Variants in SLC43A3 observed in about 807,000 individuals in gnomAD.
The protein encoded by SLC43A3 is solute carrier family 43 member 3, also known as equilibrative nucleobase transporter 1.
SLC43A3 carries 33 observed loss-of-function variants against 53.3 expected under a neutral mutation model. The ratio of observed to expected loss-of-function variants is 0.62; its 90% CI spans 0.47 to 0.83. The LOEUF is 0.83. SLC43A3 is among the 40% of genes least tolerant of loss of function. The pLI is 0.00. For missense variants in SLC43A3, 530 were observed against 610.0 expected (o/e 0.87, Z 1.38); for synonymous variants, 236 against 246.2 (o/e 0.96, Z 0.39).
At chr11:57,412,496 A>G (rs922389881) in intron 11 of SLC43A3, among the ~76,000 whole-genome samples, 3 of 152,226 alleles carry the variant, frequency 2.0e-5, no homozygotes, top group Admixed American at 1.3e-4. Flanking sequence ...GAAGAATTCT[A>G]GTGATTAAAA....
intron 5 of SLC43A3, among the ~76,000 whole-genome samples, chr11:57,423,368 G>A (rs1164906753): frequency 6.6e-6 from 1 of 152,186 alleles, no homozygotes; most frequent in Non-Finnish European, 1.5e-5. Context: ...AAAAGAGAAA[G>A]AGAACATTTT....
chr11:57,418,361 G>C (rs1292696423), intron 7 of SLC43A3, among the ~76,000 whole-genome samples: 1 of 151,698 alleles, frequency 6.6e-6, no homozygotes, highest in Non-Finnish European at 1.5e-5. Context: ...GGAAAGGAAA[G>C]AAATTCTGAC....
rs1943210196 is a variant in SLC43A3, at chr11:57,426,647, C to T, written c.-240G>A. 6.4e-6 allele frequency: 1 copy of T among 155,466 alleles called. No individual in the cohort carries two copies. Among genetic ancestry groups the T allele is most frequent in the African/African-American group, 2.4e-5 (1 of 41,472 alleles). The allele number at this position is 155,466 out of a possible 1,614,324, so 9.6% of individuals were successfully genotyped here. A position where few individuals can be genotyped will look rare whatever the true frequency, so the allele number is the denominator to read the frequency against. ...GCTCCTGCGCTCGAATTCTGAATAC[C>T]GTCCCCTAAAATAATGACAGCAACT... is the stretch of plus-strand genomic sequence containing the variant. On this transcript the variant is annotated 5_prime_UTR_variant, in exon 2 of 14. Coordinates refer to ENST00000395124, the MANE Select transcript of SLC43A3 (RefSeq NM_199329.3).
At chr11:57,423,044 C>T (rs1943056578) in intron 5 of SLC43A3, among the ~76,000 whole-genome samples, 1 of 152,148 alleles carries the variant, frequency 6.6e-6, no homozygotes, top group Admixed American at 6.5e-5. Context: ...TATTGGGAGG[C>T]ATCTCGTGGC....
rs997627715 is a variant in SLC43A3 at position 57,425,109 on chromosome 11, G to A, written c.314+432C>T. On this transcript the variant is annotated intron_variant, in intron 4 of 13. Coordinates refer to ENST00000395124, the MANE Select transcript of SLC43A3 (RefSeq NM_199329.3). The stretch of plus-strand genomic sequence containing the variant: ...GGCTGTTGGGGCGGGGAGGGGGGGC[G>A]GTGAGGAGGATGAGGATGAAGCCTG... Among the ~76,000 whole-genome samples, 5 of 152,146 alleles carry A rather than the reference G, an allele frequency of 3.3e-5. No homozygotes were observed. In the East Asian group the frequency reaches 5.8e-4, roughly 18 times the overall value.
intron 5 of SLC43A3, among the ~76,000 whole-genome samples, chr11:57,422,954 G>A (rs1217750892): frequency 6.6e-6 from 1 of 152,216 alleles, no homozygotes; most frequent in Non-Finnish European, 1.5e-5. Context: ...GTCAGCTTTA[G>A]CATAGCTTAC....
chr11:57,413,540 C>A (rs965047738), intron 11 of SLC43A3, among the ~76,000 whole-genome samples: 6 of 152,178 alleles, frequency 3.9e-5, no homozygotes, highest in Non-Finnish European at 8.8e-5. Flanking sequence ...TTTGAAAACT[C>A]TAGCAGGTGT....
At chr11:57,421,401 G>A in intron 5 of SLC43A3, 28 bp from the exon 6 acceptor site, 1 of 1,583,562 alleles carries the variant, frequency 6.3e-7, no homozygotes, top group Non-Finnish European at 8.7e-7. Flanking sequence ...GAGGTAGGGT[G>A]GTGTCATAGT....
Position 57,424,016 on chromosome 11 carries a change from G to T in SLC43A3, c.327C>A (p.Thr109=). The change falls in exon 5 of 14, where the codon ACC becomes ACA. Residue 109 remains threonine, a synonymous_variant. Transcript: ENST00000395124. ...TGAAGGCTATGATGAGTGTGGCGGT[G>T]GTGTAGAAAAATCTGAAACACATAA... ...VARLIAIFFY[T]TATLIIAFTS... is the part of the protein sequence containing the mutation. The T allele has an allele frequency of 6.2e-7, 1 of 1,614,138 alleles. No homozygotes were observed. The highest frequency in any genetic ancestry group is 1.1e-5 in the South Asian group (1 of 91,080).
chr11:57,410,337 C>T (rs1942395377), intron 11 of SLC43A3, among the ~76,000 whole-genome samples: 1 of 152,104 alleles, frequency 6.6e-6, no homozygotes, highest in Non-Finnish European at 1.5e-5. Context: ...TCAAATGTGC[C>T]CACTTCTCTC....
intron 4 of SLC43A3, 177 bp from the exon 5 acceptor site, chr11:57,424,205 G>T: frequency 1.5e-6 from 1 of 656,692 alleles, no homozygotes. Context: ...AAGAAGCCGC[G>T]ATGAGATTGA....
rs1942345878 is a variant in SLC43A3 at position 57,409,355 on chromosome 11, G to A, written c.1248-57C>T. 3.7e-6 allele frequency: 6 copies of A among 1,606,282 alleles called. No individual in the cohort carries two copies. In the Admixed American group the frequency reaches 1.0e-4, roughly 27 times the overall value. On this transcript the variant is annotated intron_variant, in intron 12 of 13. Transcript: ENST00000395124. The stretch of plus-strand genomic sequence containing the variant: ...GCTTCAGGGACCCTCCCTCCAAGCA[G>A]AAGCCTGGCCTCTGGGGGCTGTCGG...
chr11:57,414,785 A>G (rs1942640296), intron 10 of SLC43A3, 54 bp from the exon 11 acceptor site: 1 of 1,537,220 alleles, frequency 6.5e-7, no homozygotes, highest in South Asian at 1.1e-5. Flanking sequence ...ACTCCCTTCC[A>G]GGCAGGGACT....
rs377711706 is a variant in SLC43A3, at chr11:57,417,884, G to T, written c.535C>A (p.Leu179Ile). ...CTGAGGCTGATGCCTTTTTCATAAA[G>T]AAGCTGCAGAAGGAGAAGGAAAAAG... ...SSAVFLIIKLLYEKGISLRAS... is the reference protein window; with the variant it reads ...SSAVFLIIKLIYEKGISLRAS... The change falls in exon 8 of 14, where the codon CTT becomes ATT. Residue 179 changes from leucine (L) to isoleucine (I), a missense_variant. Around this residue, in one of 3 missense-constraint regions of SLC43A3, gnomAD observed 376 missense variants for 386.7 expected, o/e 0.97. Transcript: ENST00000395124. 1 of 1,613,968 alleles carries T rather than the reference G, an allele frequency of 6.2e-7. No homozygotes were observed. Among genetic ancestry groups the T allele is most frequent in the South Asian group, 1.1e-5 (1 of 91,068 alleles).
At position 57,425,967 on chromosome 11, in the gene SLC43A3, GAA is replaced by G. The variant is rs780341449; in HGVS notation, c.184+20_184+21del. 1 of 1,606,204 alleles carries G rather than the reference GAA, an allele frequency of 6.2e-7. No homozygotes were observed. Among genetic ancestry groups the G allele is most frequent in the Non-Finnish European group, 8.5e-7 (1 of 1,173,786 alleles). ...GTGGGAGCCAGACTTAACTTCCTTAGAAAAGTCATCCCTGCCCTTACCAGCCT... is the reference window on the plus strand; with the variant it reads ...GTGGGAGCCAGACTTAACTTCCTTAGAAGTCATCCCTGCCCTTACCAGCCT... On this transcript the variant is annotated intron_variant, in intron 3 of 13. Transcript: ENST00000395124.
rs1358834313 is a variant in SLC43A3, at chr11:57,417,828, A to G, written c.591T>C (p.Ser197=). Residue 197 remains serine (S), a synonymous_variant, in exon 8 of 14, where the codon AGT becomes AGC. Transcript: ENST00000395124. The part of the protein sequence containing the change: ...RASFIFISVC[S]TWHVARTFLL... The stretch of plus-strand genomic sequence containing the variant: ...GGAAAGTGCGTGCTACATGCCAGGT[A>G]CTGCAGACAGAGATGAAGATGAAGG... The G allele has an allele frequency of 6.2e-7, 1 of 1,614,072 alleles. No homozygotes were observed. Among genetic ancestry groups the G allele is most frequent in the African/African-American group, 1.3e-5 (1 of 74,936 alleles).
At chr11:57,423,299 C>G (rs1943068006) in intron 5 of SLC43A3, among the ~76,000 whole-genome samples, 1 of 152,182 alleles carries the variant, frequency 6.6e-6, no homozygotes, top group African/African-American at 2.4e-5. Flanking sequence ...GGGTTGTCAA[C>G]TTTTACCCTG....
intron 11 of SLC43A3, among the ~76,000 whole-genome samples, chr11:57,410,741 G>A (rs578174022): frequency 3.8e-4 from 58 of 152,260 alleles, no homozygotes; most frequent in African/African-American, 1.2e-3. Flanking sequence ...CAAATCTCAC[G>A]TTGAATTATA....
chr11:57,409,406 T>C (rs1388233256), intron 12 of SLC43A3, 108 bp from the exon 13 acceptor site: 4 of 1,301,158 alleles, frequency 3.1e-6, no homozygotes, highest in Admixed American at 2.0e-5. Context: ...TCCCCTGTCC[T>C]AGGCCTGCCC....
Sources: gnomAD v4.1 joint callset for allele counts (sites outside exome capture counted in the v4.1 genomes callset) on GRCh38, gnomAD v4.1.1 for gene constraint, gnomAD v4.1.1 regional missense constraint, MANE v1.5 for transcripts, NCBI Gene and HGNC (gene_info 2026-07-23, HGNC 2026-07-21) for gene names.